The following XIRP1 variants were observed in gnomAD, a reference collection of about 807,000 sequenced individuals.
XIRP1 encodes xin actin binding repeat containing 1, also known as xin actin-binding repeat-containing protein 1.
For missense variants in XIRP1, 2,378 were observed against 2,345.4 expected (o/e 1.01, Z -0.29); for synonymous variants, 984 against 947.0 (o/e 1.04, Z -0.72).
chr3:39,187,712 C>A lies in XIRP1; in HGVS notation c.1734G>T (p.Gln578His). The A allele has an allele frequency of 1.9e-6, 3 of 1,614,090 alleles. No individual in the cohort carries two copies. Among genetic ancestry groups the A allele is most frequent in the Non-Finnish European group, 2.5e-6 (3 of 1,180,040 alleles). The change falls in exon 2 of 2, where the codon CAG (glutamine) becomes CAT (histidine). Residue 578 changes from glutamine to histidine, a missense_variant. Physicochemically the swap from Gln to His is conservative, Grantham distance 24. Transcript: ENST00000340369. ...GGGGTGCCTCAGGCTGGGGGTCTCC[C>A]TGACTCTTCCCTTCTTCTTTCTGTC... is the stretch of plus-strand genomic sequence containing the variant. ...QERQKEEGKS[Q>H]GDPQPEAPPK...
In XIRP1 at chr3:39,184,708, C is replaced by A. The variant is rs2039931355; in HGVS notation, c.4738G>T (p.Asp1580Tyr). Residue 1580 changes from aspartate (D) to tyrosine (Y), a missense_variant, in exon 2 of 2, where the codon GAC (aspartate) becomes TAC (tyrosine). Coordinates refer to ENST00000340369, the MANE Select transcript of XIRP1 (RefSeq NM_194293.4). ...ACACTGATCTTGTGGGCACTGTGGT[C>A]TTTTGGAGGTCCCTGGAAATGGCCT... ...ARGHFQGPPK[D>Y]HSAHKISVTV... 11 of 1,614,228 alleles carry A rather than the reference C, an allele frequency of 6.8e-6. No individual in the cohort carries two copies. The highest frequency in any genetic ancestry group is 9.3e-6 in the Non-Finnish European group (11 of 1,180,026).
intron 1 of XIRP1, among the ~76,000 whole-genome samples, chr3:39,191,845 G>C (rs891993718): frequency 9.9e-5 from 15 of 152,184 alleles, no homozygotes; most frequent in African/African-American, 3.4e-4. Flanking sequence ...AATCTGCCCT[G>C]GGGGCTTTCC....
chr3:39,184,206 T>G lies in XIRP1; in HGVS notation c.5240A>C (p.Lys1747Thr), dbSNP rs745471050. The change falls in exon 2 of 2, where the codon AAG becomes ACG. Residue 1747 changes from lysine (K) to threonine (T), a missense_variant. Transcript: ENST00000340369. ...SASPLPRGWQKSVLELQTGPG... is the reference protein window; with the variant it reads ...SASPLPRGWQTSVLELQTGPG... Reference sequence around the variant, plus strand: ...CCCCGTCTGTAGCTCCAGAACACTCTTTTGCCACCCTCTGGGCAGGGGACT... The same window carrying G: ...CCCCGTCTGTAGCTCCAGAACACTCGTTTGCCACCCTCTGGGCAGGGGACT... The G allele has an allele frequency of 6.2e-7, 1 of 1,614,092 alleles. No homozygotes were observed. Among genetic ancestry groups the G allele is most frequent in the Non-Finnish European group, 8.5e-7 (1 of 1,180,040 alleles).
At position 39,185,526 on chromosome 3, in the gene XIRP1, G is replaced by T. The variant is rs1345728772; in HGVS notation, c.3920C>A (p.Ser1307Ter). ...GTCCAGTTTTGGGGTCTTTGTCTGT[G>T]ACCCTCCAGGGGTTCTCTGGCCAGC... is the stretch of plus-strand genomic sequence containing the variant. ...SPAGQRTPGG[S>*]QTKTPKLDPT... The change falls in exon 2 of 2, where the codon TCA (serine) becomes TAA (stop). Residue 1307 changes from serine to a stop codon, truncating the protein, a stop_gained. Coordinates refer to ENST00000340369, the MANE Select transcript of XIRP1 (RefSeq NM_194293.4). LOFTEE classifies it low-confidence loss of function (END_TRUNC). The T allele has an allele frequency of 2.6e-6, 4 of 1,558,206 alleles. No homozygotes were observed. Among genetic ancestry groups the T allele is most frequent in the Non-Finnish European group, 3.5e-6 (4 of 1,153,572 alleles).
At chr3:39,189,915 G>C (rs2040064531) in intron 1 of XIRP1, among the ~76,000 whole-genome samples, 1 of 152,202 alleles carries the variant, frequency 6.6e-6, no homozygotes, top group Non-Finnish European at 1.5e-5. Flanking sequence ...TCCCAGCCTT[G>C]GAGAGGCAGG....
At chr3:39,190,005 T>G (rs557050302) in intron 1 of XIRP1, among the ~76,000 whole-genome samples, 1 of 152,312 alleles carries the variant, frequency 6.6e-6, no homozygotes, top group African/African-American at 2.4e-5. Flanking sequence ...CATGTTGACC[T>G]GGAACGCTGC....
chr3:39,185,660 A>C lies in XIRP1; in HGVS notation c.3786T>G (p.Ala1262=). Residue 1262 remains alanine, a synonymous_variant, in exon 2 of 2, where the codon GCT becomes GCG. Coordinates refer to ENST00000340369, the MANE Select transcript of XIRP1 (RefSeq NM_194293.4). The stretch of plus-strand genomic sequence containing the variant: ...CTGGAAAGTCAGGTCCTGTCACAGC[A>C]GCTGGGAGAGTAGGAGGAGGAGGAA... The part of the protein sequence containing the change: ...AFVPPPPTLP[A]AVTGPDFPAG... 6.2e-7 allele frequency: 1 copy of C among 1,613,620 alleles called. No homozygotes were observed. Among genetic ancestry groups the C allele is most frequent in the Non-Finnish European group, 8.5e-7 (1 of 1,179,806 alleles).
At position 39,186,756 on chromosome 3, in the gene XIRP1, A is replaced by G. The variant is rs149973490; in HGVS notation, c.2690T>C (p.Met897Thr). 26 of 1,614,020 alleles carry G rather than the reference A, an allele frequency of 1.6e-5. No homozygotes were observed. In the African/African-American group the frequency reaches 3.3e-4, roughly 21 times the overall value. Residue 897 changes from methionine to threonine, a missense_variant, in exon 2 of 2, where the codon ATG becomes ACG. By Grantham distance (81) the Met-to-Thr change is moderately conservative (BLOSUM62 -1). Transcript: ENST00000340369. Reference sequence around the variant, plus strand: ...GACCAGGCCCTGCTCTGTCTCCTGCATCACCAGCCCAGTCCTTGCCACGGA... The same window carrying G: ...GACCAGGCCCTGCTCTGTCTCCTGCGTCACCAGCCCAGTCCTTGCCACGGA... ...GTSVARTGLVMQETEQGLVAL... is the reference protein window; with the variant it reads ...GTSVARTGLVTQETEQGLVAL...
At position 39,189,496 on chromosome 3, in the gene XIRP1, C is replaced by G; in HGVS notation, c.-51G>C. On this transcript the variant is annotated 5_prime_UTR_variant, in exon 2 of 2. Transcript: ENST00000340369. ...GAGGATGGGATTGGGAGCCTTAGAT[C>G]TAGATGTTCAGCAGGGTAGAGGCTG... 6.5e-7 allele frequency: 1 copy of G among 1,531,702 alleles called. No homozygotes were observed. The highest frequency in any genetic ancestry group is 8.8e-7 in the Non-Finnish European group (1 of 1,141,566). The allele number at this position is 1,531,702 out of a possible 1,614,324, so 94.9% of individuals were successfully genotyped here.
chr3:39,185,237 G>A lies in XIRP1; in HGVS notation c.4209C>T (p.Leu1403=). The A allele has an allele frequency of 6.2e-7, 1 of 1,614,186 alleles. No homozygotes were observed. Among genetic ancestry groups the A allele is most frequent in the Non-Finnish European group, 8.5e-7 (1 of 1,180,028 alleles). Reference sequence around the variant, plus strand: ...TGGTGGGCCTGGGGGCCGTGGTGCTGAGGCCATGTTGTAAGCTGGGCTGGC... The same window carrying A: ...TGGTGGGCCTGGGGGCCGTGGTGCTAAGGCCATGTTGTAAGCTGGGCTGGC... ...GHSQPSLQHG[L]STTAPRPTKN... Residue 1403 remains leucine, a synonymous_variant, in exon 2 of 2, where the codon CTC becomes CTT. Transcript: ENST00000340369.
chr3:39,183,452 C>T lies in XIRP1; in HGVS notation c.*462G>A, dbSNP rs770520735. On this transcript the variant is annotated 3_prime_UTR_variant, in exon 2 of 2. Transcript: ENST00000340369. ...CACAGTGATTCCAAACAGAGACCAA[C>T]GCTGTGTCCAGTTGGCTCTGTTCCT... 1.0e-4 allele frequency: 16 copies of T among 157,636 alleles called. No individual in the cohort carries two copies. The East Asian group carries it at 2.1e-3, about 20-fold the overall frequency. The allele number at this position is 157,636 out of a possible 1,614,324, so 9.8% of individuals were successfully genotyped here.
intron 1 of XIRP1, among the ~76,000 whole-genome samples, chr3:39,190,384 A>C (rs529045567): frequency 1.3e-5 from 2 of 152,236 alleles, no homozygotes; most frequent in South Asian, 2.1e-4. Context: ...AGAGGGTAGC[A>C]GGTGTAAAGC....
In XIRP1 at chr3:39,187,616, C is replaced by G. The variant is rs773218647; in HGVS notation, c.1830G>C (p.Gln610His). The change falls in exon 2 of 2, where the codon CAG becomes CAC. Residue 610 changes from glutamine to histidine, a missense_variant. Coordinates refer to ENST00000340369, the MANE Select transcript of XIRP1 (RefSeq NM_194293.4). ...TCPMSELAEKQGSEVTDPTAK... is the reference protein window; with the variant it reads ...TCPMSELAEKHGSEVTDPTAK... ...CTGTGGGATCTGTGACCTCTGACCC[C>G]TGCTTTTCGGCCAACTCACTCATTG... 1 of 1,614,146 alleles carries G rather than the reference C, an allele frequency of 6.2e-7. No homozygotes were observed. Among genetic ancestry groups the G allele is most frequent in the Admixed American group, 1.7e-5 (1 of 60,038 alleles).
At chr3:39,189,630 T>A in intron 1 of XIRP1, 105 bp from the exon 2 acceptor site, 1 of 864,304 alleles carries the variant, frequency 1.2e-6, no homozygotes, top group Non-Finnish European at 1.7e-6. Context: ...GGGCTTCACT[T>A]CGCTGCCTGC....
chr3:39,184,255 G>A lies in XIRP1; in HGVS notation c.5191C>T (p.Pro1731Ser), dbSNP rs1240094589. 2 of 1,614,178 alleles carry A rather than the reference G, an allele frequency of 1.2e-6. No individual in the cohort carries two copies. The highest frequency in any genetic ancestry group is 1.7e-6 in the Non-Finnish European group (2 of 1,180,014). Reference protein sequence around the residue: ...KKDITQCSVQPEPAPPSASPL... With the variant: ...KKDITQCSVQSEPAPPSASPL... ...CTGGCTGAGGGAGGGGCAGGTTCAG[G>A]TTGCACAGAGCACTGGGTGATGTCC... is the stretch of plus-strand genomic sequence containing the variant. The change falls in exon 2 of 2, where the codon CCT becomes TCT. Residue 1731 changes from proline (P) to serine (S), a missense_variant. Physicochemically the swap from Pro to Ser is moderately conservative, Grantham distance 74. Coordinates refer to ENST00000340369, the MANE Select transcript of XIRP1 (RefSeq NM_194293.4).
At position 39,184,120 on chromosome 3, in the gene XIRP1, C is replaced by T; in HGVS notation, c.5326G>A (p.Asp1776Asn). Residue 1776 changes from aspartate to asparagine, a missense_variant, in exon 2 of 2, where the codon GAC becomes AAC. Transcript: ENST00000340369. ...ATGAGGACTGTGTTCCCAAACTGGTCCACCTCCTCATACTGTTCAGTCACG... is the reference window on the plus strand; with the variant it reads ...ATGAGGACTGTGTTCCCAAACTGGTTCACCTCCTCATACTGTTCAGTCACG... Reference protein sequence around the residue: ...RTVTEQYEEVDQFGNTVLMSS... With the variant: ...RTVTEQYEEVNQFGNTVLMSS... 2 of 1,605,892 alleles carry T rather than the reference C, an allele frequency of 1.2e-6. No homozygotes were observed. The highest frequency in any genetic ancestry group is 2.2e-5 in the South Asian group (2 of 90,384).
chr3:39,188,653 C>A lies in XIRP1; in HGVS notation c.793G>T (p.Ala265Ser), dbSNP rs767133931. 1.2e-6 allele frequency: 2 copies of A among 1,613,284 alleles called. No homozygotes were observed. The highest frequency in any genetic ancestry group is 2.7e-5 in the African/African-American group (2 of 74,940). The stretch of plus-strand genomic sequence containing the variant: ...AAGAGCCAGCGGGCAGACCTCACCG[C>A]GTTGCTTTGGATCTCCTCCCGGCAT... ...AACREEIQSN[A>S]VRSARWLFET... Residue 265 changes from alanine to serine, a missense_variant, in exon 2 of 2, where the codon GCG (alanine) becomes TCG (serine). Ala to Ser is a moderately conservative substitution (Grantham distance 99). Transcript: ENST00000340369.
chr3:39,191,712 G>A (rs945229441), intron 1 of XIRP1, among the ~76,000 whole-genome samples: 2 of 151,844 alleles, frequency 1.3e-5, no homozygotes, highest in African/African-American at 2.4e-5. Flanking sequence ...TCCTAGGGCT[G>A]GGCCAGCCTC....
chr3:39,188,489 G>T lies in XIRP1; in HGVS notation c.957C>A (p.Ile319=). The T allele has an allele frequency of 6.2e-7, 1 of 1,604,042 alleles. No homozygotes were observed. The highest frequency in any genetic ancestry group is 8.5e-7 in the Non-Finnish European group (1 of 1,172,630). Residue 319 remains isoleucine, a synonymous_variant, in exon 2 of 2, where the codon ATC becomes ATA. Coordinates refer to ENST00000340369, the MANE Select transcript of XIRP1 (RefSeq NM_194293.4). ...CCTTCTCATCTACCAAGATCTCCCG[G>T]ATGGCATCCAGGGGCTGTGTCTCAA... ...WIFETQPLDA[I]REILVDEKDF...
Sources: gnomAD v4.1 joint callset for allele counts (sites outside exome capture counted in the v4.1 genomes callset) on GRCh38, gnomAD v4.1.1 for gene constraint, MANE v1.5 for transcripts, NCBI Gene and HGNC (gene_info 2026-07-23, HGNC 2026-07-21) for gene names.